MARCHF8: variants seen among roughly 807,000 people sequenced by gnomAD.
The protein encoded by MARCHF8 is membrane associated ring-CH-type finger 8, also known as E3 ubiquitin-protein ligase MARCHF8.
MARCHF8 carries 40 observed loss-of-function variants against 51.6 expected under a neutral mutation model. The ratio of observed to expected loss-of-function variants is 0.77; its 90% CI spans 0.60 to 1.01. MARCHF8 has a LOEUF of 1.01. MARCHF8 is among the 50% of genes least tolerant of loss of function. The probability of loss-of-function intolerance (pLI) is 0.00; values close to 1 mark genes in which losing one functional copy is unlikely to be tolerated. For synonymous variants in MARCHF8, 263 were observed against 280.3 expected, an observed-to-expected ratio of 0.94 and a Z score of 0.62; for missense variants, 685 against 708.6, an observed-to-expected ratio of 0.97 and a Z score of 0.38.
intron 1 of MARCHF8, among the ~76,000 whole-genome samples, chr10:45,591,764 T>G (rs1415568409): frequency 6.6e-6 from 1 of 152,138 alleles, no homozygotes; most frequent in African/African-American, 2.4e-5. Flanking sequence ...TACACAATAT[T>G]GTAAAGTATT....
At chr10:45,458,890 G>T (rs1842695988) in intron 7 of MARCHF8, among the ~76,000 whole-genome samples, 1 of 152,160 alleles carries the variant, frequency 6.6e-6, no homozygotes, top group African/African-American at 2.4e-5. Flanking sequence ...GCTTTTATAG[G>T]ATGTAGTTTG....
intron 3 of MARCHF8, among the ~76,000 whole-genome samples, chr10:45,471,233 C>G (rs551383128): frequency 6.6e-6 from 1 of 152,066 alleles, no homozygotes; most frequent in Non-Finnish European, 1.5e-5. Flanking sequence ...TAAAGGGAGT[C>G]GGAATTACTT....
chr10:45,471,434 A>G (rs941116811), intron 3 of MARCHF8, among the ~76,000 whole-genome samples: 15 of 152,388 alleles, frequency 9.8e-5, no homozygotes, highest in African/African-American at 3.6e-4. Context: ...GTGGCTTCAC[A>G]GTCCCAGAAA....
In MARCHF8 at chr10:45,544,261, T is replaced by C. The variant is rs145901345; in HGVS notation, c.-78-10972A>G. Reference sequence around the variant, plus strand: ...TATAGAAAAAATTAGATCTCTCATGTATTGCTGGTGAGAATATAAATTGGT... The same window carrying C: ...TATAGAAAAAATTAGATCTCTCATGCATTGCTGGTGAGAATATAAATTGGT... On this transcript the variant is annotated intron_variant, in intron 1 of 6. Transcript: ENST00000319836. Among the ~76,000 whole-genome samples, 17 of 152,364 alleles carry C rather than the reference T, an allele frequency of 1.1e-4. No individual in the cohort carries two copies. In the East Asian group the frequency reaches 3.3e-3, roughly 29 times the overall value.
upstream of MARCHF8, among the ~76,000 whole-genome samples, chr10:45,537,851 A>T (rs1468168669): frequency 2.6e-5 from 4 of 152,148 alleles, no homozygotes; most frequent in Non-Finnish European, 5.9e-5. Context: ...TATTTTTAGG[A>T]TAATGAAAAT....
Position 45,533,145 on chromosome 10 carries a change from T to C in MARCHF8, c.67A>G (p.Arg23Gly). The C allele has an allele frequency of 1.2e-6, 2 of 1,612,712 alleles. No homozygotes were observed. The highest frequency in any genetic ancestry group is 2.2e-5 in the East Asian group (1 of 44,774). The change falls in exon 2 of 8, where the codon AGA becomes GGA. Residue 23 changes from arginine to glycine, a missense_variant. Coordinates refer to ENST00000453424, the MANE Select transcript of MARCHF8 (RefSeq NM_001282866.2). Reference sequence around the variant, plus strand: ...CTCTCCTTTTCTTTGGTCTTACTTCTGTAGACTCTAGCAGAGATGGCATCC... The same window carrying C: ...CTCTCCTTTTCTTTGGTCTTACTTCCGTAGACTCTAGCAGAGATGGCATCC... ...SQDAISARVYRSKTKEKEREE... is the reference protein window; with the variant it reads ...SQDAISARVYGSKTKEKEREE...
At chr10:45,560,922 T>C (rs943522360) in intron 1 of MARCHF8, among the ~76,000 whole-genome samples, 1 of 152,146 alleles carries the variant, frequency 6.6e-6, no homozygotes, top group Non-Finnish European at 1.5e-5. Context: ...TCGTATAAGA[T>C]ACATACAAGG....
In MARCHF8 at chr10:45,463,522, G is replaced by A. The variant is rs759780287; in HGVS notation, c.717C>T (p.Pro239=). ...CCGCCTTCTCTTCCAGCAGCAGGCC[G>A]GGCCTGCCCCCCTTGCCAGCTTCCA... ...SEVEAGKGGR[P]GLLLEEKADG... Residue 239 remains proline, a synonymous_variant, in exon 5 of 8, where the codon CCC becomes CCT. Coordinates refer to ENST00000453424, the MANE Select transcript of MARCHF8 (RefSeq NM_001282866.2). 7.8e-5 allele frequency: 121 copies of A among 1,550,542 alleles called. No homozygotes were observed. Among genetic ancestry groups the A allele is most frequent in the Admixed American group, 7.8e-5 (4 of 50,992 alleles).
At chr10:45,586,533 GT>G (rs1425935564) in intron 1 of MARCHF8, among the ~76,000 whole-genome samples, 1 of 152,092 alleles carries the variant, frequency 6.6e-6, no homozygotes, top group East Asian at 1.9e-4. Flanking sequence ...GTAAGTGCAT[GT>G]TTAAGTTAAT....
At chr10:45,559,620 C>G (rs2044287779) in intron 1 of MARCHF8, among the ~76,000 whole-genome samples, 1 of 152,106 alleles carries the variant, frequency 6.6e-6, no homozygotes, top group Non-Finnish European at 1.5e-5. Flanking sequence ...TGAAGATGCT[C>G]TTATGTATAC....
chr10:45,586,170 A>G (rs2044616501), intron 1 of MARCHF8, among the ~76,000 whole-genome samples: 1 of 152,182 alleles, frequency 6.6e-6, no homozygotes. Flanking sequence ...ATCAAAATAC[A>G]GAGTAATTCC....
At chr10:45,469,822 G>A (rs1370391374) in intron 3 of MARCHF8, among the ~76,000 whole-genome samples, 1 of 126,354 alleles carries the variant, frequency 7.9e-6, no homozygotes, top group Non-Finnish European at 1.6e-5. Context: ...CCGAGATCGC[G>A]CCACTGCACT....
chr10:45,546,627 T>TA (rs555702226), intron 1 of MARCHF8, among the ~76,000 whole-genome samples: 195 of 151,284 alleles, frequency 1.3e-3, no homozygotes, highest in African/African-American at 4.2e-3. Flanking sequence ...CCTAAAAATA[T>TA]AAAAAAAATT....
chr10:45,484,529 G>A (rs2042946209), intron 3 of MARCHF8, among the ~76,000 whole-genome samples: 11 of 152,156 alleles, frequency 7.2e-5, no homozygotes, highest in Admixed American at 7.2e-4. Flanking sequence ...TTTTTTCCAA[G>A]GGGGGACATT....
chr10:45,564,985 TA>T (rs60290162), intron 1 of MARCHF8, among the ~76,000 whole-genome samples: 2,377 of 98,664 alleles, frequency 0.024, 34 homozygotes, highest in East Asian at 0.13. Flanking sequence ...TAGGATCCAC[TA>T]AAAAAAAAAA....
chr10:45,528,633 G>T (rs557948277), intron 2 of MARCHF8, among the ~76,000 whole-genome samples: 434 of 152,156 alleles, frequency 2.9e-3, no homozygotes, highest in African/African-American at 9.1e-3. Flanking sequence ...GCTAATTTTT[G>T]TATTTTTTGT....
chr10:45,574,633 G>A (rs562862292), intron 1 of MARCHF8, among the ~76,000 whole-genome samples: 14 of 152,210 alleles, frequency 9.2e-5, no homozygotes, highest in African/African-American at 2.4e-4. Context: ...AGCTGGGACC[G>A]CGCCCTGTAG....
At chr10:45,573,921 C>G (rs755613662) in intron 1 of MARCHF8, among the ~76,000 whole-genome samples, 4 of 152,128 alleles carry the variant, frequency 2.6e-5, no homozygotes, top group Non-Finnish European at 4.4e-5. Context: ...CTCTTTTAAG[C>G]ACTCCTTTTT....
At chr10:45,495,667 G>A (rs866020229) in intron 2 of MARCHF8, among the ~76,000 whole-genome samples, 1 of 150,888 alleles carries the variant, frequency 6.6e-6, no homozygotes, top group African/African-American at 2.4e-5. Context: ...GGAGTTTTAT[G>A]GCCATGAAGA....
Sources: allele counts gnomAD v4.1 joint callset (sites outside exome capture counted in the v4.1 genomes callset), GRCh38; gene constraint gnomAD v4.1.1; transcripts MANE v1.5; gene names NCBI Gene and HGNC (gene_info 2026-07-23, HGNC 2026-07-21).